Variants in MCC observed in about 807,000 individuals in gnomAD.
MCC encodes MCC regulator of Wnt signaling pathway.
Under a neutral mutation model 116.2 loss-of-function variants are expected in MCC, and 90 were observed. The ratio of observed to expected loss-of-function variants is 0.77; its 90% CI spans 0.65 to 0.92. The LOEUF is 0.92. MCC is among the 40% of genes least tolerant of loss of function. The pLI, the probability that MCC is intolerant of heterozygous loss-of-function variation, is 0.00. For synonymous variants in MCC, 578 were observed against 510.5 expected, an observed-to-expected ratio of 1.13 and a Z score of -1.78; for missense variants, 1,516 against 1,312.2, an observed-to-expected ratio of 1.16 and a Z score of -2.40.
At chr5:113,118,189 G>GT (rs1299617714) in intron 6 of MCC, among the ~76,000 whole-genome samples, 2 of 152,188 alleles carry the variant, frequency 1.3e-5, no homozygotes, top group East Asian at 1.9e-4. Context: ...TTGACACAGG[G>GT]TAAGTGAGCA....
chr5:113,189,860 C>T (rs554258362), intron 3 of MCC, among the ~76,000 whole-genome samples: 118 of 152,246 alleles, frequency 7.8e-4, no homozygotes, highest in African/African-American at 2.8e-3. Flanking sequence ...TATAAAAAGC[C>T]CAGTAACCAC....
intron 2 of MCC, among the ~76,000 whole-genome samples, chr5:113,383,833 C>G (rs913482513): frequency 6.6e-6 from 1 of 152,054 alleles, no homozygotes; most frequent in Non-Finnish European, 1.5e-5. Flanking sequence ...GTTTCCATTA[C>G]TCAATAATAA....
Position 113,460,153 on chromosome 5 carries a change from G to T in MCC, c.170+28092C>A, listed in dbSNP as rs142974348. ...AAAACCCAAAACCTCCCAAGTGTTT[G>T]CAGCTGAAGTCATTTCCAGCTTTTC... On this transcript the variant is annotated intron_variant, in intron 1 of 18. Transcript: ENST00000408903. 1.2e-4 allele frequency among the ~76,000 whole-genome samples: 18 copies of T among 152,338 alleles called. No homozygotes were observed. In the East Asian group the frequency reaches 3.1e-3, roughly 26 times the overall value.
At chr5:113,415,377 C>T (rs1260662839) in intron 1 of MCC, among the ~76,000 whole-genome samples, 1 of 152,192 alleles carries the variant, frequency 6.6e-6, no homozygotes, top group African/African-American at 2.4e-5. Flanking sequence ...AACTTGGTTC[C>T]ATTCTCCTCG....
At chr5:113,134,859 G>T (rs1581132636) in intron 5 of MCC, among the ~76,000 whole-genome samples, 1 of 151,608 alleles carries the variant, frequency 6.6e-6, no homozygotes, top group Middle Eastern at 3.4e-3. Flanking sequence ...CAATCCATAA[G>T]CATGGGGATC....
chr5:113,391,794 C>T (rs1018712975), intron 1 of MCC, among the ~76,000 whole-genome samples: 7 of 151,442 alleles, frequency 4.6e-5, no homozygotes, highest in Non-Finnish European at 1.0e-4. Context: ...AAGAAATGAT[C>T]AGGAGAACTA....
At chr5:113,267,713 G>A (rs1328095160) in intron 3 of MCC, among the ~76,000 whole-genome samples, 1 of 152,200 alleles carries the variant, frequency 6.6e-6, no homozygotes, top group African/African-American at 2.4e-5. Context: ...AGATAAGGGA[G>A]GCAACGGGAG....
At position 113,469,632 on chromosome 5, in the gene MCC, TGTG is replaced by T. The variant is rs545444574; in HGVS notation, c.170+18610_170+18612del. On this transcript the variant is annotated intron_variant, in intron 1 of 18. Coordinates refer to ENST00000408903, the MANE Select transcript of MCC (RefSeq NM_001085377.2). ...GTGGTCAATTTTGGAGTAGGTGTGG[TGTG>T]GTGCTGAAAAGAATGTATATTCTGT... Among the ~76,000 whole-genome samples, 285 of 152,312 alleles carry T rather than the reference TGTG, an allele frequency of 1.9e-3. 3 individuals are homozygous for T. Among genetic ancestry groups the T allele is most frequent in the African/African-American group, 6.6e-3 (275 of 41,562 alleles).
chr5:113,172,466 T>C (rs1761122069), intron 3 of MCC, among the ~76,000 whole-genome samples: 1 of 120,710 alleles, frequency 8.3e-6, no homozygotes, highest in African/African-American at 2.6e-5. Flanking sequence ...AAAACTCTAC[T>C]CTGCCATGCA....
intron 2 of MCC, among the ~76,000 whole-genome samples, chr5:113,345,007 C>T (rs1255897463): frequency 6.6e-6 from 1 of 152,052 alleles, no homozygotes; most frequent in Non-Finnish European, 1.5e-5. Context: ...ATTTCTGGAC[C>T]TGCCCCGGGC....
intron 3 of MCC, among the ~76,000 whole-genome samples, chr5:113,337,829 G>A (rs1767906680): frequency 6.6e-6 from 1 of 152,186 alleles, no homozygotes; most frequent in African/African-American, 2.4e-5. Flanking sequence ...GCCCAAATGT[G>A]CAGTTTCAAG....
intron 2 of MCC, among the ~76,000 whole-genome samples, chr5:113,366,686 G>A (rs1259630457): frequency 6.6e-6 from 1 of 152,040 alleles, no homozygotes; most frequent in Non-Finnish European, 1.5e-5. Flanking sequence ...TGGTGTGCAA[G>A]GTTTCCTCAT....
intron 3 of MCC, among the ~76,000 whole-genome samples, chr5:113,339,438 T>TGTGTGTGTGCGC (rs145838279): frequency 0.012 from 1,832 of 149,644 alleles, 45 homozygotes; most frequent in African/African-American, 0.043. Context: ...TGTGTGTGTG[T>TGTGTGTGTGCGC]GCGTGCATGT....
chr5:113,096,981 C>T (rs936263027), intron 8 of MCC, among the ~76,000 whole-genome samples: 10 of 152,008 alleles, frequency 6.6e-5, no homozygotes, highest in African/African-American at 2.4e-4. Context: ...CTGAGAGGAG[C>T]GGTGTTGAGA....
intron 1 of MCC, among the ~76,000 whole-genome samples, chr5:113,437,382 GA>G (rs975469287): frequency 6.6e-6 from 1 of 151,820 alleles, no homozygotes; most frequent in Admixed American, 6.6e-5. Context: ...GAAAGGGAGA[GA>G]AAAAAAATTC....
intron 12 of MCC, among the ~76,000 whole-genome samples, chr5:113,068,810 C>G (rs1753812913): frequency 6.6e-6 from 1 of 152,174 alleles, no homozygotes. Context: ...ATCCTCCAAT[C>G]CCCCACTGAG....
chr5:113,256,713 A>G (rs1765019067), intron 3 of MCC, among the ~76,000 whole-genome samples: 1 of 152,192 alleles, frequency 6.6e-6, no homozygotes, highest in African/African-American at 2.4e-5. Context: ...CAAACTTAAG[A>G]GCTATCTGGC....
At chr5:113,453,679 C>T (rs981057494) in intron 1 of MCC, among the ~76,000 whole-genome samples, 2 of 152,178 alleles carry the variant, frequency 1.3e-5, no homozygotes, top group Admixed American at 1.3e-4. Context: ...AGAAGAAAGT[C>T]ACAGAGGAAA....
intron 5 of MCC, among the ~76,000 whole-genome samples, chr5:113,141,428 T>C (rs1449479721): frequency 6.6e-6 from 1 of 152,236 alleles, no homozygotes; most frequent in Non-Finnish European, 1.5e-5. Context: ...TCCCCTTTCA[T>C]ATCTTTACAG....
Sources: allele counts gnomAD v4.1 joint callset (sites outside exome capture counted in the v4.1 genomes callset), GRCh38; gene constraint gnomAD v4.1.1; transcripts MANE v1.5; gene names NCBI Gene and HGNC (gene_info 2026-07-23, HGNC 2026-07-21).